Variants in ACACA observed in about 807,000 individuals in gnomAD.
The protein encoded by ACACA is acetyl-CoA carboxylase alpha.
Under a neutral mutation model 296.1 loss-of-function variants are expected in ACACA, and 103 were observed. That is an observed-to-expected ratio of 0.35 (90% CI 0.30 to 0.41). The LOEUF (loss-of-function observed/expected upper bound fraction) is 0.41. Among genes scored for constraint, ACACA ranks in the 10% least tolerant of loss-of-function variants. The probability of loss-of-function intolerance (pLI) is 1.00; values close to 1 mark genes in which losing one functional copy is unlikely to be tolerated. For missense variants in ACACA, 1,554 were observed against 2,989.7 expected (o/e 0.52, Z 11.20); for synonymous variants, 953 against 1,038.6 (o/e 0.92, Z 1.58).
chr17:37,196,498 T>G (rs2078003634), intron 35 of ACACA, among the ~76,000 whole-genome samples: 1 of 152,074 alleles, frequency 6.6e-6, no homozygotes. Context: ...TATTAACAGA[T>G]GTAAAACTGT....
At chr17:37,376,073 G>C in intron 1 of ACACA, 1 of 1,605,150 alleles carries the variant, frequency 6.2e-7, no homozygotes, top group Non-Finnish European at 8.5e-7. Flanking sequence ...TGTCTGCAAT[G>C]AGCATGTGCT....
In ACACA at chr17:37,145,125, A is replaced by G. The variant is rs563357099; in HGVS notation, c.5679+4739T>C. On this transcript the variant is annotated intron_variant, in intron 45 of 55. Transcript: ENST00000616317. ...CTATGTTAAACATACTAATACTTTT[A>G]CCAGGAAAGGGAGAAAAAAATAAAG... Among the ~76,000 whole-genome samples, 4 of 152,294 alleles carry G rather than the reference A, an allele frequency of 2.6e-5. No homozygotes were observed. The East Asian group carries it at 7.7e-4, about 29-fold the overall frequency.
intron 1 of ACACA, chr17:37,368,692 C>T (rs1274516453): frequency 6.6e-6 from 1 of 152,204 alleles, no homozygotes; most frequent in African/African-American, 2.4e-5. Context: ...GAATCCTTTA[C>T]CCTTACTTGG....
Position 37,200,630 on chromosome 17 carries a change from G to C in ACACA, c.4057-147C>G. On this transcript the variant is annotated intron_variant, in intron 33 of 55. Coordinates refer to ENST00000616317, the MANE Select transcript of ACACA (RefSeq NM_198834.3). ...TAGCTTAGTACCTTCAAACTTGCAA[G>C]TGAACAAATTTCAATCTGGCTCCTA... The C allele has an allele frequency of 8.0e-6, 6 of 747,586 alleles. No homozygotes were observed. The East Asian group carries it at 1.6e-4, about 20-fold the overall frequency. 46.3% of individuals were successfully genotyped at this position (747,586 alleles called of 1,614,324 possible).
intron 30 of ACACA, among the ~76,000 whole-genome samples, chr17:37,208,961 A>C (rs1490916600): frequency 6.6e-6 from 1 of 152,232 alleles, no homozygotes; most frequent in East Asian, 1.9e-4. Context: ...ATATCTGGGT[A>C]CATATTGTAC....
At chr17:37,209,580 T>G (rs1458805759) in intron 30 of ACACA, among the ~76,000 whole-genome samples, 1 of 152,258 alleles carries the variant, frequency 6.6e-6, no homozygotes, top group African/African-American at 2.4e-5. Context: ...CAAGACCAAT[T>G]AAAAGCATTC....
intron 3 of ACACA, among the ~76,000 whole-genome samples, chr17:37,296,025 G>A (rs923886254): frequency 1.3e-5 from 2 of 152,186 alleles, no homozygotes; most frequent in African/African-American, 4.8e-5. Context: ...CAAGGGTCTG[G>A]TTACAGAATT....
chr17:37,144,389 T>G, intron 45 of ACACA: 1 of 405,768 alleles, frequency 2.5e-6, no homozygotes. Flanking sequence ...CTTTAAGTTA[T>G]GTGAAAGTTA....
intron 29 of ACACA, among the ~76,000 whole-genome samples, chr17:37,213,883 T>G (rs745500731): frequency 4.8e-4 from 70 of 147,186 alleles, no homozygotes; most frequent in Non-Finnish European, 9.0e-4. Flanking sequence ...CTGTGAGCCT[T>G]TTTACCATCC....
At chr17:37,180,994 C>T (rs955005606) in intron 40 of ACACA, among the ~76,000 whole-genome samples, 5 of 152,224 alleles carry the variant, frequency 3.3e-5, no homozygotes, top group Admixed American at 2.0e-4. Context: ...GACTTCTATT[C>T]TCACCATTCC....
intron 3 of ACACA, among the ~76,000 whole-genome samples, chr17:37,321,422 A>C (rs887219166): frequency 1.3e-5 from 2 of 152,180 alleles, no homozygotes; most frequent in Non-Finnish European, 2.9e-5. Flanking sequence ...CAGGAGTTCA[A>C]GACCAGCCTG....
At chr17:37,389,111 A>G in intron 1 of ACACA, 1 of 1,210,238 alleles carries the variant, frequency 8.3e-7, no homozygotes, top group East Asian at 2.6e-5. Context: ...ATTTTCTAGG[A>G]AGGATAGGTC....
intron 3 of ACACA, among the ~76,000 whole-genome samples, chr17:37,294,269 T>G (rs1260596951): frequency 6.6e-6 from 1 of 152,258 alleles, no homozygotes; most frequent in Admixed American, 6.5e-5. Context: ...CTGACAATTC[T>G]GAAGGCATTT....
At chr17:37,260,271 TATATATATATATATATATA>T (rs2081406065) in intron 11 of ACACA, among the ~76,000 whole-genome samples, 2 of 25,310 alleles carry the variant, frequency 7.9e-5, no homozygotes, top group Non-Finnish European at 1.3e-4. Flanking sequence ...TATATATATA[TATATATATATATATATATA>T]TATATATTTT....
intron 42 of ACACA, among the ~76,000 whole-genome samples, chr17:37,160,696 T>C (rs1397121073): frequency 6.6e-6 from 1 of 152,102 alleles, no homozygotes; most frequent in African/African-American, 2.4e-5. Flanking sequence ...GAGAAGCAAG[T>C]TGAAGCAAGT....
intron 54 of ACACA, among the ~76,000 whole-genome samples, chr17:37,091,161 C>T (rs1383494073): frequency 1.3e-5 from 2 of 152,224 alleles, no homozygotes; most frequent in African/African-American, 4.8e-5. Flanking sequence ...AATGCTCAGA[C>T]ACTACACTGG....
chr17:37,336,349 G>C (rs763296436), intron 2 of ACACA, among the ~76,000 whole-genome samples: 2 of 152,090 alleles, frequency 1.3e-5, no homozygotes, highest in African/African-American at 4.8e-5. Flanking sequence ...CTGTTGAGAG[G>C]GGGGACTGAG....
intron 1 of ACACA, among the ~76,000 whole-genome samples, chr17:37,400,903 T>C (rs1016391137): frequency 6.6e-6 from 1 of 152,242 alleles, no homozygotes; most frequent in Non-Finnish European, 1.5e-5. Context: ...CCTTTGGATA[T>C]ATACCCAGAA....
At chr17:37,365,778 T>C in intron 1 of ACACA, 1 of 976,650 alleles carries the variant, frequency 1.0e-6, no homozygotes, top group African/African-American at 1.8e-5. Context: ...AATTGCACAA[T>C]GAAGGACAGC....
Sources: gnomAD v4.1 joint callset for allele counts (sites outside exome capture counted in the v4.1 genomes callset) on GRCh38, gnomAD v4.1.1 for gene constraint, MANE v1.5 for transcripts, NCBI Gene and HGNC (gene_info 2026-07-23, HGNC 2026-07-21) for gene names.